Variants in RAB11FIP4 observed in about 807,000 individuals in gnomAD.
RAB11FIP4 encodes rab11 family-interacting protein 4.
RAB11FIP4 carries 23 observed loss-of-function variants against 74.3 expected under a neutral mutation model. The observed-to-expected ratio is 0.31, with a 90% CI of 0.22 to 0.44. RAB11FIP4 has a LOEUF of 0.44. Ranked by LOEUF, RAB11FIP4 falls within the 20% of genes least tolerant of loss-of-function variation. The pLI, the probability that RAB11FIP4 is intolerant of heterozygous loss-of-function variation, is 1.00. For missense variants in RAB11FIP4, 630 were observed against 863.9 expected (o/e 0.73, Z 3.39); for synonymous variants, 360 against 359.9 (o/e 1.00, Z 0.00).
At chr17:31,413,228 C>A (rs1202303804) in intron 1 of RAB11FIP4, among the ~76,000 whole-genome samples, 1 of 152,094 alleles carries the variant, frequency 6.6e-6, no homozygotes, top group African/African-American at 2.4e-5. Context: ...GAGGCAGGGT[C>A]CAGGGACCAC....
chr17:31,463,872 G>T (rs1375525785), intron 3 of RAB11FIP4, among the ~76,000 whole-genome samples: 2 of 134,244 alleles, frequency 1.5e-5, no homozygotes, highest in East Asian at 4.7e-4. Flanking sequence ...GGAGTGCAGT[G>T]ACCCGATCTC....
intron 3 of RAB11FIP4, among the ~76,000 whole-genome samples, chr17:31,441,565 T>C (rs931308348): frequency 1.6e-4 from 24 of 152,124 alleles, no homozygotes; most frequent in African/African-American, 5.6e-4. Flanking sequence ...CTTGCTCTTA[T>C]TGCCCAGGCT....
In RAB11FIP4 at chr17:31,512,248, G is replaced by A. The variant is rs540661720; in HGVS notation, c.337-5403G>A. ...CGGCTCCTACCGTGACCGACTCTCC[G>A]GTGTAAATTGTCACGTGTGGCCCCC... On this transcript the variant is annotated intron_variant, in intron 3 of 14. Coordinates refer to ENST00000621161, the MANE Select transcript of RAB11FIP4 (RefSeq NM_032932.6). The surrounding 1 kb of genome is among the most constrained non-coding windows in gnomAD (Gnocchi z 4.1). 6.6e-4 allele frequency among the ~76,000 whole-genome samples: 101 copies of A among 152,282 alleles called. No individual in the cohort carries two copies. The highest frequency in any genetic ancestry group is 1.9e-3 in the African/African-American group (80 of 41,556).
intron 3 of RAB11FIP4, chr17:31,488,289 G>A: frequency 8.5e-7 from 1 of 1,175,622 alleles, no homozygotes; most frequent in Non-Finnish European, 1.1e-6. Flanking sequence ...GGCGGCCCCG[G>A]GGCTGGCGCT....
intron 3 of RAB11FIP4, among the ~76,000 whole-genome samples, chr17:31,502,151 G>T (rs2072233603): frequency 6.6e-6 from 1 of 151,360 alleles, no homozygotes; most frequent in Non-Finnish European, 1.5e-5. Flanking sequence ...TTGAACCCAG[G>T]AGGGGGGTGT....
At chr17:31,508,408 A>G (rs939286740) in intron 3 of RAB11FIP4, among the ~76,000 whole-genome samples, 1 of 152,214 alleles carries the variant, frequency 6.6e-6, no homozygotes, top group African/African-American at 2.4e-5. Flanking sequence ...GTGGTGAGAA[A>G]TGCACTCACA....
chr17:31,527,966 G>A (rs202156747), intron 11 of RAB11FIP4, 43 bp downstream of exon 11: 13 of 1,470,214 alleles, frequency 8.8e-6, no homozygotes, highest in Middle Eastern at 2.1e-4. Flanking sequence ...GCTGGCCATC[G>A]GGAGCCTTTA....
At position 31,409,428 on chromosome 17, in the gene RAB11FIP4, G is replaced by C. The variant is rs545881523; in HGVS notation, c.159+17417G>C. On this transcript the variant is annotated intron_variant, in intron 1 of 14. Coordinates refer to ENST00000621161, the MANE Select transcript of RAB11FIP4 (RefSeq NM_032932.6). ...AAAGAATTATGCTTGGAATGGATGA[G>C]TCTCCACTTGGCCAGGCCTGGTCAG... is the stretch of plus-strand genomic sequence containing the variant. Among the ~76,000 whole-genome samples, 280 of 152,238 alleles carry C rather than the reference G, an allele frequency of 1.8e-3. 2 individuals are homozygous for C. The highest frequency in any genetic ancestry group is 9.0e-4 in the Non-Finnish European group (61 of 68,022).
chr17:31,523,419 T>G (rs982540654), intron 7 of RAB11FIP4, 93 bp from the exon 8 acceptor site: 18 of 985,444 alleles, frequency 1.8e-5, no homozygotes, highest in Non-Finnish European at 2.9e-5. Context: ...GCAGACCCCC[T>G]GGGGTACTGG....
intron 3 of RAB11FIP4, among the ~76,000 whole-genome samples, chr17:31,480,999 C>T (rs558919056): frequency 6.2e-4 from 94 of 152,174 alleles, no homozygotes; most frequent in Middle Eastern, 3.4e-3. Flanking sequence ...GCTGTGTCTA[C>T]AACACCTAGA....
chr17:31,427,645 G>T (rs573567619), intron 1 of RAB11FIP4, among the ~76,000 whole-genome samples: 1 of 152,364 alleles, frequency 6.6e-6, no homozygotes, highest in African/African-American at 2.4e-5. Context: ...CCCTTGACTT[G>T]CTTCAGAAAT....
intron 3 of RAB11FIP4, among the ~76,000 whole-genome samples, 190 bp from the exon 4 acceptor site, chr17:31,517,461 A>T (rs1016387655): frequency 6.6e-6 from 1 of 151,922 alleles, no homozygotes; most frequent in Non-Finnish European, 1.5e-5. Flanking sequence ...GATGCTCATG[A>T]GTCAGCCAGT....
intron 3 of RAB11FIP4, among the ~76,000 whole-genome samples, chr17:31,445,580 T>TGTATA (rs2071454726): frequency 1.1e-4 from 1 of 8,986 alleles, no homozygotes; most frequent in Non-Finnish European, 1.7e-4. Flanking sequence ...ATATATATAT[T>TGTATA]TTTTTTTTTT....
At chr17:31,529,999 A>T (rs980105882) in intron 13 of RAB11FIP4, among the ~76,000 whole-genome samples, 24 of 152,092 alleles carry the variant, frequency 1.6e-4, no homozygotes, top group Non-Finnish European at 2.9e-4. Flanking sequence ...CACTTCCTTC[A>T]CTGGGCTGCT....
chr17:31,410,516 C>T (rs1367760437), intron 1 of RAB11FIP4, among the ~76,000 whole-genome samples: 1 of 151,940 alleles, frequency 6.6e-6, no homozygotes, highest in Admixed American at 6.6e-5. Context: ...GAGTTGGAGA[C>T]CATCCTGGCC....
intron 1 of RAB11FIP4, among the ~76,000 whole-genome samples, chr17:31,395,412 A>G (rs1441693605): frequency 6.6e-6 from 1 of 152,196 alleles, no homozygotes; most frequent in Non-Finnish European, 1.5e-5. Context: ...GGGAACAGCA[A>G]CTGTATAGTG....
At chr17:31,487,729 C>T (rs548659334) in intron 3 of RAB11FIP4, among the ~76,000 whole-genome samples, 1 of 152,208 alleles carries the variant, frequency 6.6e-6, no homozygotes, top group South Asian at 2.1e-4. Context: ...GCAGAACGGG[C>T]AAGAGACTAC....
intron 3 of RAB11FIP4, among the ~76,000 whole-genome samples, chr17:31,448,945 C>A (rs1212123304): frequency 6.6e-6 from 1 of 152,114 alleles, no homozygotes; most frequent in African/African-American, 2.4e-5. Flanking sequence ...GAGTCGTCAG[C>A]CTGATTTTCA....
At chr17:31,524,639 C>T (rs1011226111) in intron 9 of RAB11FIP4, 3 of 195,082 alleles carry the variant, frequency 1.5e-5, no homozygotes, top group East Asian at 3.1e-4. Context: ...CTGGGGTGCT[C>T]ACATCTACGT....
Sources: gnomAD v4.1 joint callset for allele counts (sites outside exome capture counted in the v4.1 genomes callset) on GRCh38, gnomAD v4.1.1 for gene constraint, Gnocchi (gnomAD v3.1) non-coding constraint, MANE v1.5 for transcripts, NCBI Gene and HGNC (gene_info 2026-07-23, HGNC 2026-07-21) for gene names.